Variants in TRPM3 observed in about 807,000 individuals in gnomAD.
TRPM3 encodes the protein transient receptor potential cation channel subfamily M member 3.
TRPM3 carries 77 observed loss-of-function variants against 181.2 expected under a neutral mutation model. The ratio of observed to expected loss-of-function variants is 0.42; its 90% CI spans 0.35 to 0.51. TRPM3 has a LOEUF of 0.51. Ranked by LOEUF, TRPM3 falls within the 20% of genes least tolerant of loss-of-function variation. The probability of loss-of-function intolerance (pLI) is 0.01; values close to 1 mark genes in which losing one functional copy is unlikely to be tolerated. For missense variants in TRPM3, 1,759 were observed against 2,196.7 expected (o/e 0.80, Z 3.98); for synonymous variants, 745 against 796.4 (o/e 0.94, Z 1.09).
intron 9 of TRPM3, among the ~76,000 whole-genome samples, chr9:70,641,497 T>G (rs1250057469): frequency 6.6e-6 from 1 of 152,232 alleles, no homozygotes; most frequent in Admixed American, 6.5e-5. Context: ...TTAGGTTTAC[T>G]TTGATTTGTG....
At chr9:70,936,926 C>A (rs2096834007) in intron 1 of TRPM3, among the ~76,000 whole-genome samples, 1 of 152,062 alleles carries the variant, frequency 6.6e-6, no homozygotes, top group African/African-American at 2.4e-5. Flanking sequence ...AAAAACCATA[C>A]AAAAAACACA....
intron 1 of TRPM3, among the ~76,000 whole-genome samples, chr9:70,997,470 C>T (rs1316116839): frequency 1.3e-5 from 2 of 152,228 alleles, no homozygotes; most frequent in Non-Finnish European, 2.9e-5. Flanking sequence ...GCTAGGATTA[C>T]AGGCTTGAGC....
At chr9:70,556,198 G>C (rs2047649829) in intron 22 of TRPM3, among the ~76,000 whole-genome samples, 1 of 151,074 alleles carries the variant, frequency 6.6e-6, no homozygotes, top group South Asian at 2.1e-4. Flanking sequence ...TTCCTCAAAG[G>C]CCCTCACTAA....
At position 71,002,363 on chromosome 9, in the gene TRPM3, C is replaced by A. The variant is rs2097614961; in HGVS notation, c.177+118815G>T. ...TCGAAATTGGAGCCAGCGGTTTTAG[C>A]TTTTGAATCTTGAAAATAAGTATCT... On this transcript the variant is annotated intron_variant, in intron 1 of 25. Coordinates refer to ENST00000677713, the MANE Select transcript of TRPM3 (RefSeq NM_001366145.2). Among the ~76,000 whole-genome samples the A allele has an allele frequency of 2.0e-5, 3 of 152,136 alleles. No individual in the cohort carries two copies. The South Asian group carries it at 6.2e-4, about 31-fold the overall frequency.
intron 1 of TRPM3, among the ~76,000 whole-genome samples, chr9:71,113,103 A>C (rs1178303172): frequency 6.6e-6 from 1 of 152,178 alleles, no homozygotes; most frequent in African/African-American, 2.4e-5. Context: ...AGAATGTCAA[A>C]CACAGCAGCC....
intron 1 of TRPM3, among the ~76,000 whole-genome samples, chr9:71,343,635 G>A (rs2091106262): frequency 6.6e-6 from 1 of 152,046 alleles, no homozygotes; most frequent in South Asian, 2.1e-4. Context: ...AGAGAAAAGG[G>A]TAAATATATA....
upstream of TRPM3, chr9:71,121,655 C>T (rs776819647): frequency 2.7e-5 from 31 of 1,136,890 alleles, no homozygotes; most frequent in Non-Finnish European, 3.1e-5. Flanking sequence ...TCCCAGTAAA[C>T]GCAGGTCAGG....
chr9:71,289,214 T>A (rs2085567967), intron 1 of TRPM3, among the ~76,000 whole-genome samples: 1 of 151,970 alleles, frequency 6.6e-6, no homozygotes. Context: ...GGATTTATCT[T>A]GCAAACCCCA....
intron 1 of TRPM3, among the ~76,000 whole-genome samples, chr9:70,933,251 GCGA>G (rs2096792813): frequency 6.6e-6 from 1 of 152,108 alleles, no homozygotes; most frequent in African/African-American, 2.4e-5. Context: ...GTCCAGAGTG[GCGA>G]TAGTAAATTT....
At chr9:70,789,357 A>C (rs902993312) in intron 6 of TRPM3, among the ~76,000 whole-genome samples, 15 of 152,204 alleles carry the variant, frequency 9.9e-5, no homozygotes, top group Non-Finnish European at 1.9e-4. Context: ...AGAGCCTTAC[A>C]AATTTGTGTC....
At position 71,057,490 on chromosome 9, in the gene TRPM3, C is replaced by G. The variant is rs182845969; in HGVS notation, c.177+63688G>C. On this transcript the variant is annotated intron_variant, in intron 1 of 25. Transcript: ENST00000677713. ...CTAGGTCTCTACCTTTCATTCTCATCTTTTCTATAGGTGTGCCATTGTGTT... is the reference window on the plus strand; with the variant it reads ...CTAGGTCTCTACCTTTCATTCTCATGTTTTCTATAGGTGTGCCATTGTGTT... Among the ~76,000 whole-genome samples, 14 of 152,166 alleles carry G rather than the reference C, an allele frequency of 9.2e-5. No homozygotes were observed. The East Asian group carries it at 2.7e-3, about 30-fold the overall frequency.
chr9:70,853,518 A>C (rs1457093164), intron 3 of TRPM3, among the ~76,000 whole-genome samples: 2 of 152,248 alleles, frequency 1.3e-5, no homozygotes, highest in African/African-American at 4.8e-5. Flanking sequence ...AAGAGCGCTC[A>C]GTATTTTACA....
chr9:71,018,402 A>C (rs1564985452), intron 1 of TRPM3, among the ~76,000 whole-genome samples: 1 of 151,894 alleles, frequency 6.6e-6, no homozygotes, highest in Non-Finnish European at 1.5e-5. Context: ...TAGAAAAGAC[A>C]AATGAAACTG....
chr9:70,980,366 G>C (rs1440682061), intron 1 of TRPM3, among the ~76,000 whole-genome samples: 1 of 151,570 alleles, frequency 6.6e-6, no homozygotes, highest in Non-Finnish European at 1.5e-5. Context: ...AGTCAGAAGG[G>C]GGAAAGAGAG....
intron 1 of TRPM3, among the ~76,000 whole-genome samples, chr9:70,931,727 C>T (rs762364143): frequency 6.6e-6 from 1 of 151,836 alleles, no homozygotes; most frequent in Non-Finnish European, 1.5e-5. Flanking sequence ...TTTGGATTAG[C>T]GCAAAACTTT....
intron 1 of TRPM3, among the ~76,000 whole-genome samples, chr9:71,099,588 T>A (rs552768639): frequency 6.6e-6 from 1 of 152,306 alleles, no homozygotes; most frequent in East Asian, 1.9e-4. Flanking sequence ...AGCTTGTTTG[T>A]GATTTTACCT....
At chr9:71,285,928 T>C (rs1428604055) in intron 1 of TRPM3, among the ~76,000 whole-genome samples, 1 of 152,218 alleles carries the variant, frequency 6.6e-6, no homozygotes. Flanking sequence ...GGAAGACTTA[T>C]AATGTCACAG....
chr9:70,627,550 G>A (rs1435083833), intron 12 of TRPM3, among the ~76,000 whole-genome samples: 1 of 152,074 alleles, frequency 6.6e-6, no homozygotes, highest in Non-Finnish European at 1.5e-5. Flanking sequence ...TGGGATTACA[G>A]GTGTGAGCCA....
At chr9:71,249,877 A>G (rs187714402) in intron 1 of TRPM3, among the ~76,000 whole-genome samples, 1 of 152,318 alleles carries the variant, frequency 6.6e-6, no homozygotes, top group Admixed American at 6.5e-5. Context: ...CAACGGAGAG[A>G]TGCCATCAAG....
Sources: allele counts gnomAD v4.1 joint callset (sites outside exome capture counted in the v4.1 genomes callset), GRCh38; gene constraint gnomAD v4.1.1; transcripts MANE v1.5; gene names NCBI Gene and HGNC (gene_info 2026-07-23, HGNC 2026-07-21).